Variants in ABLIM2 observed in about 807,000 individuals in gnomAD.
ABLIM2 encodes the protein actin binding LIM protein family member 2, also known as actin-binding LIM protein 2.
Under a neutral mutation model 97.7 loss-of-function variants are expected in ABLIM2, and 53 were observed. That is an observed-to-expected ratio of 0.54 (90% CI 0.44 to 0.68). ABLIM2 has a LOEUF of 0.68. Among genes scored for constraint, ABLIM2 ranks in the 30% least tolerant of loss-of-function variants. The pLI, the probability that ABLIM2 is intolerant of heterozygous loss-of-function variation, is 0.00. For missense variants in ABLIM2, 835 were observed against 867.2 expected (o/e 0.96, Z 0.47); for synonymous variants, 361 against 345.8 (o/e 1.04, Z -0.49).
intron 3 of ABLIM2, among the ~76,000 whole-genome samples, chr4:8,094,911 CCT>C (rs1204855119): frequency 1.3e-5 from 2 of 151,058 alleles, no homozygotes; most frequent in Non-Finnish European, 3.0e-5. Context: ...TCCCTCCCTC[CCT>C]CTCTTCCCTC....
At chr4:8,026,041 T>G (rs558728373) in intron 12 of ABLIM2, among the ~76,000 whole-genome samples, 2 of 152,344 alleles carry the variant, frequency 1.3e-5, no homozygotes, top group African/African-American at 4.8e-5. Flanking sequence ...AGGGTCTTAC[T>G]CTGTTGTCCA....
At position 8,020,024 on chromosome 4, in the gene ABLIM2, G is replaced by T. The variant is rs1157088566; in HGVS notation, c.1369+178C>A. Among the ~76,000 whole-genome samples the T allele has an allele frequency of 6.0e-5, 9 of 148,820 alleles. No individual in the cohort carries two copies. In the Admixed American group the frequency reaches 6.2e-4, roughly 10 times the overall value. ...GAAACTCAAACACACATCGGTTTGG[G>T]GTTGTGAAAACCCGTCTGATGGTTT... On this transcript the variant is annotated intron_variant, in intron 13 of 20. Coordinates refer to ENST00000447017, the MANE Select transcript of ABLIM2 (RefSeq NM_001130083.2).
intron 18 of ABLIM2, among the ~76,000 whole-genome samples, chr4:7,984,133 A>G (rs975713792): frequency 1.3e-5 from 2 of 152,168 alleles, no homozygotes; most frequent in Non-Finnish European, 2.9e-5. Context: ...AGCAGTATCT[A>G]CAGAACCTGG....
chr4:8,000,104 C>T (rs375874740), intron 16 of ABLIM2, among the ~76,000 whole-genome samples: 17 of 152,190 alleles, frequency 1.1e-4, no homozygotes, highest in South Asian at 4.2e-4. Flanking sequence ...TGGCACTGCA[C>T]GGGTTCAGGT....
In ABLIM2 at chr4:8,122,966, G is replaced by A. The variant is rs1846153697; in HGVS notation, c.11-16329C>T. Among the ~76,000 whole-genome samples, 1 of 152,148 alleles carries A rather than the reference G, an allele frequency of 6.6e-6. No individual in the cohort carries two copies. Among genetic ancestry groups the A allele is most frequent in the South Asian group, 2.1e-4 (1 of 4,824 alleles). ...CAAATCTGTCTGGGACCTGACCAGT[G>A]TGGGACGTCTTCCCGGAGGTCGTGC... On this transcript the variant is annotated intron_variant, in intron 1 of 20. Transcript: ENST00000447017. This position sits in a 1 kb window ranked among gnomAD's most constrained non-coding sequence, Gnocchi z 4.1.
rs1846290795 is a variant in ABLIM2, at chr4:8,123,271, C to A, written c.11-16634G>T. ...ATGGTGTGGGCACAACAGCACCAGC[C>A]CCATCTCCAACTGGCATGAGAGGCG... On this transcript the variant is annotated intron_variant, in intron 1 of 20. Coordinates refer to ENST00000447017, the MANE Select transcript of ABLIM2 (RefSeq NM_001130083.2). This position sits in a 1 kb window ranked among gnomAD's most constrained non-coding sequence, Gnocchi z 6.2. Among the ~76,000 whole-genome samples the A allele has an allele frequency of 6.6e-6, 1 of 152,124 alleles. No homozygotes were observed. The highest frequency in any genetic ancestry group is 2.4e-5 in the African/African-American group (1 of 41,424).
chr4:8,033,485 T>C lies in ABLIM2; in HGVS notation c.1047+2664A>G, dbSNP rs1295806601. ...CTCAGGCTGCTCCCGGCCATCGGCA[T>C]AGAGGAAGCTCTGTATGGACACACC... On this transcript the variant is annotated intron_variant, in intron 10 of 20. Coordinates refer to ENST00000447017, the MANE Select transcript of ABLIM2 (RefSeq NM_001130083.2). This position sits in a 1 kb window ranked among gnomAD's most constrained non-coding sequence, Gnocchi z 4.5. Among the ~76,000 whole-genome samples, 4 of 152,216 alleles carry C rather than the reference T, an allele frequency of 2.6e-5. No homozygotes were observed. Among genetic ancestry groups the C allele is most frequent in the Admixed American group, 1.3e-4 (2 of 15,286 alleles).
In ABLIM2 at chr4:7,966,870, C is replaced by A. The variant is rs967056981; in HGVS notation, c.*120G>T. ...CCGCACCTGCTGGGGGACCCCCTCC[C>A]GCCCACCCCATGGACACAGAGAAGC... is the stretch of plus-strand genomic sequence containing the variant. On this transcript the variant is annotated 3_prime_UTR_variant, in exon 21 of 21. Transcript: ENST00000447017. 9.7e-6 allele frequency: 2 copies of A among 206,646 alleles called. No individual in the cohort carries two copies. The highest frequency in any genetic ancestry group is 1.4e-4 in the East Asian group (1 of 7,350). 12.8% of individuals were successfully genotyped at this position (206,646 alleles called of 1,614,324 possible). A position where few individuals can be genotyped will look rare whatever the true frequency, so the allele number is the denominator to read the frequency against.
intron 1 of ABLIM2, among the ~76,000 whole-genome samples, chr4:8,111,581 G>A (rs1443400052): frequency 6.6e-6 from 1 of 152,178 alleles, no homozygotes; most frequent in African/African-American, 2.4e-5. Flanking sequence ...AACTCTCTGT[G>A]TCTTATCTAG....
intron 1 of ABLIM2, among the ~76,000 whole-genome samples, chr4:8,137,855 T>A (rs955007103): frequency 1.3e-5 from 2 of 152,162 alleles, no homozygotes; most frequent in African/African-American, 4.8e-5. Flanking sequence ...CCCTAGGAGA[T>A]ACCTACACAC....
rs772022680 is a variant in ABLIM2, at chr4:8,036,188, G to A, written c.1008C>T (p.Tyr336=). The change falls in exon 10 of 21, where the codon TAC becomes TAT. Residue 336 remains tyrosine (Y), a synonymous_variant. Transcript: ENST00000447017. ...GCCTGTCCCCTGCAGAGTGGCTGAT[G>A]TAGGGTGAGTAGGAGATCATGTCGG... ...DRPDMISYSP[Y]ISHSAGDRQS... is the part of the protein sequence containing the mutation. 1 of 1,613,786 alleles carries A rather than the reference G, an allele frequency of 6.2e-7. No individual in the cohort carries two copies. The highest frequency in any genetic ancestry group is 1.3e-5 in the African/African-American group (1 of 74,930).
chr4:8,118,365 A>G (rs1339798506), intron 1 of ABLIM2, among the ~76,000 whole-genome samples: 1 of 152,198 alleles, frequency 6.6e-6, no homozygotes, highest in Non-Finnish European at 1.5e-5. Context: ...ACAGGGTTGT[A>G]GGGAGGCCTC....
intron 1 of ABLIM2, among the ~76,000 whole-genome samples, chr4:8,110,689 A>C (rs1325502632): frequency 2.0e-5 from 3 of 152,132 alleles, no homozygotes; most frequent in Non-Finnish European, 4.4e-5. Context: ...GGGTTGAGGG[A>C]AGCTGCTAAG....
Position 8,072,086 on chromosome 4 carries a change from C to T in ABLIM2, c.675+5542G>A. 1 of 985,048 alleles carries T rather than the reference C, an allele frequency of 1.0e-6. No homozygotes were observed. The highest frequency in any genetic ancestry group is 1.2e-6 in the Non-Finnish European group (1 of 829,548). 61.0% of individuals were successfully genotyped at this position (985,048 alleles called of 1,614,324 possible). ...GCCGACTCAGCCACGCCGCCACAGA[C>T]TCGCCTCCCCGGCAGAGGCGAAAAC... On this transcript the variant is annotated intron_variant, in intron 6 of 20. Coordinates refer to ENST00000447017, the MANE Select transcript of ABLIM2 (RefSeq NM_001130083.2). The surrounding 1 kb of genome is among the most constrained non-coding windows in gnomAD (Gnocchi z 5.8).
intron 16 of ABLIM2, chr4:8,007,205 T>C: frequency 1.0e-6 from 1 of 985,106 alleles, no homozygotes; most frequent in Non-Finnish European, 1.2e-6. Context: ...GCAGCTACTA[T>C]GGCCGGCCGA....
chr4:8,137,843 C>T (rs1479029940), intron 1 of ABLIM2, among the ~76,000 whole-genome samples: 1 of 152,218 alleles, frequency 6.6e-6, no homozygotes, highest in East Asian at 1.9e-4. Flanking sequence ...AGAAAGCAGG[C>T]TCCCTAGGAG....
rs1848382701 is a variant in ABLIM2 at position 8,127,240 on chromosome 4, A to G, written c.11-20603T>C. On this transcript the variant is annotated intron_variant, in intron 1 of 20. Transcript: ENST00000447017. This position sits in a 1 kb window ranked among gnomAD's most constrained non-coding sequence, Gnocchi z 7.3. ...GGAGTCCAGACGCAGCTCCGATACCAGCACCGTGTGAGGTTGGATCAGACT... is the reference window on the plus strand; with the variant it reads ...GGAGTCCAGACGCAGCTCCGATACCGGCACCGTGTGAGGTTGGATCAGACT... 1.3e-5 allele frequency among the ~76,000 whole-genome samples: 2 copies of G among 152,172 alleles called. No individual in the cohort carries two copies.
Position 8,005,211 on chromosome 4 carries a change from C to T in ABLIM2, c.1618+2848G>A. The T allele has an allele frequency of 2.2e-6, 1 of 463,260 alleles. No individual in the cohort carries two copies. The highest frequency in any genetic ancestry group is 4.5e-6 in the Non-Finnish European group (1 of 223,316). 28.7% of individuals were successfully genotyped at this position (463,260 alleles called of 1,614,324 possible). On this transcript the variant is annotated intron_variant, in intron 16 of 20. Transcript: ENST00000447017. This position sits in a 1 kb window ranked among gnomAD's most constrained non-coding sequence, Gnocchi z 4.9. ...GCGTGTGCGCTCGCTCTGTCGGCGT[C>T]TCTGCCTCTCTCAGCTCCCTGCACG...
chr4:8,045,355 TAA>T, intron 8 of ABLIM2, 114 bp from the exon 9 acceptor site: 1 of 1,019,410 alleles, frequency 9.8e-7, no homozygotes, highest in Non-Finnish European at 1.5e-6. Context: ...GGTGTTTCTT[TAA>T]AGTTGGGGCT....
Sources: gnomAD v4.1 joint callset for allele counts (sites outside exome capture counted in the v4.1 genomes callset) on GRCh38, gnomAD v4.1.1 for gene constraint, Gnocchi (gnomAD v3.1) non-coding constraint, MANE v1.5 for transcripts, NCBI Gene and HGNC (gene_info 2026-07-23, HGNC 2026-07-21) for gene names.